TENM3: variants seen among roughly 807,000 people sequenced by gnomAD.
TENM3 encodes the protein teneurin-3.
In TENM3, 63 loss-of-function variants were observed where a neutral mutation model predicts 255.1. The ratio of observed to expected loss-of-function variants is 0.25; its 90% CI spans 0.20 to 0.30. The LOEUF is 0.30. Among genes scored for constraint, TENM3 ranks in the 10% least tolerant of loss-of-function variants. TENM3 has a pLI of 1.00. For missense variants in TENM3, 2,929 were observed against 3,461.1 expected, an observed-to-expected ratio of 0.85 and a Z score of 3.86; for synonymous variants, 1,306 against 1,322.3, an observed-to-expected ratio of 0.99 and a Z score of 0.27.
the TENM3 span, among the ~76,000 whole-genome samples, chr4:181,461,478 C>T: frequency 2.1e-3 from 323 of 152,184 alleles, 1 homozygote; most frequent in African/African-American, 7.5e-3. Flanking sequence ...TATTCTGCCC[C>T]TACTTACTGG....
At chr4:182,143,742 T>G (rs1004893710), upstream of TENM3, 8 of 153,222 alleles carry the variant, frequency 5.2e-5, no homozygotes, top group African/African-American at 1.9e-4. The surrounding 1 kb of genome is among the most constrained non-coding windows in gnomAD (Gnocchi z 4.3). Context: ...AATGGCGCAG[T>G]AAGTTCATTA....
intron 3 of TENM3, among the ~76,000 whole-genome samples, chr4:182,500,799 C>T (rs1049942477): frequency 3.9e-5 from 6 of 151,966 alleles, no homozygotes; most frequent in African/African-American, 1.2e-4. Flanking sequence ...ATAAAGTACA[C>T]GGTTTCACAT....
the TENM3 span, among the ~76,000 whole-genome samples, chr4:181,450,558 C>T: frequency 1.3e-5 from 2 of 152,232 alleles, no homozygotes; most frequent in Admixed American, 6.5e-5. Context: ...TGTGGCCATT[C>T]GGTATCATTT....
chr4:182,380,712 G>C (rs1007818535), intron 3 of TENM3, among the ~76,000 whole-genome samples: 6 of 152,164 alleles, frequency 3.9e-5, no homozygotes, highest in Non-Finnish European at 8.8e-5. Context: ...CCAACTGTGA[G>C]AATGTATGCT....
At chr4:181,927,134 G>A in the TENM3 span, among the ~76,000 whole-genome samples, 1 of 152,160 alleles carries the variant, frequency 6.6e-6, no homozygotes, top group Non-Finnish European at 1.5e-5. Flanking sequence ...TCATACCCCA[G>A]TGGCACCTGG....
the TENM3 span, among the ~76,000 whole-genome samples, chr4:181,860,159 G>A: frequency 6.8e-4 from 104 of 152,298 alleles, no homozygotes; most frequent in African/African-American, 2.4e-3. Context: ...CACTCTATAA[G>A]CAAAAGGTGA....
chr4:181,740,825 G>A, the TENM3 span, among the ~76,000 whole-genome samples: 1 of 152,114 alleles, frequency 6.6e-6, no homozygotes, highest in African/African-American at 2.4e-5. Context: ...GGGAGAACAT[G>A]TTGCTTCCAC....
intron 4 of TENM3, among the ~76,000 whole-genome samples, chr4:182,620,182 G>A (rs1749971750): frequency 6.6e-6 from 1 of 152,210 alleles, no homozygotes; most frequent in South Asian, 2.1e-4. Context: ...GTGCTTTATA[G>A]AGAATTAGGT....
chr4:181,630,094 A>G, the TENM3 span, among the ~76,000 whole-genome samples: 1 of 152,044 alleles, frequency 6.6e-6, no homozygotes, highest in African/African-American at 2.4e-5. Flanking sequence ...GAATTTATCC[A>G]TTTCTTCTGG....
At chr4:182,048,363 G>A in the TENM3 span, among the ~76,000 whole-genome samples, 39 of 151,714 alleles carry the variant, frequency 2.6e-4, no homozygotes, top group East Asian at 1.4e-3. Flanking sequence ...TTCTTTTCTC[G>A]TTTTCCTAAG....
chr4:182,613,935 A>T (rs1247496970), intron 4 of TENM3, among the ~76,000 whole-genome samples: 1 of 152,178 alleles, frequency 6.6e-6, no homozygotes, highest in Non-Finnish European at 1.5e-5. Flanking sequence ...TCTTGCAGGA[A>T]TCACCTCCTA....
the TENM3 span, among the ~76,000 whole-genome samples, chr4:182,065,862 C>G: frequency 1.3e-5 from 2 of 152,278 alleles, no homozygotes; most frequent in East Asian, 3.9e-4. Flanking sequence ...TTCTCACCAG[C>G]GAATTCCCTC....
the TENM3 span, among the ~76,000 whole-genome samples, chr4:182,096,128 T>C: frequency 1.7e-5 from 1 of 58,216 alleles, no homozygotes; most frequent in East Asian, 4.5e-4. Context: ...AGACCCTGTC[T>C]CAAAAAAAAA....
At chr4:181,958,828 C>T in the TENM3 span, among the ~76,000 whole-genome samples, 3 of 152,074 alleles carry the variant, frequency 2.0e-5, no homozygotes, top group African/African-American at 7.2e-5. Context: ...ATACATACTA[C>T]GACACAGTGA....
the TENM3 span, among the ~76,000 whole-genome samples, chr4:181,827,125 C>T: frequency 6.6e-6 from 1 of 152,124 alleles, no homozygotes; most frequent in Non-Finnish European, 1.5e-5. Context: ...CAAACAAGGT[C>T]ATGTACAGGA....
the TENM3 span, among the ~76,000 whole-genome samples, chr4:181,752,747 G>T: frequency 4.6e-5 from 7 of 151,490 alleles, no homozygotes; most frequent in Non-Finnish European, 8.8e-5. Context: ...AGTCAAGTCA[G>T]CAGTTGGTAG....
intron 4 of TENM3, among the ~76,000 whole-genome samples, chr4:182,616,548 G>A (rs1335301389): frequency 2.4e-5 from 3 of 126,354 alleles, no homozygotes; most frequent in African/African-American, 9.1e-5. Flanking sequence ...AAGGTCAGGA[G>A]ATCAAGACCA....
chr4:182,529,991 G>A (rs1739610902), intron 3 of TENM3, among the ~76,000 whole-genome samples: 1 of 152,170 alleles, frequency 6.6e-6, no homozygotes, highest in South Asian at 2.1e-4. Flanking sequence ...TGTAAGCGAG[G>A]TATCTTGATA....
At chr4:182,658,560 GGT>G (rs1319681762) in intron 6 of TENM3, among the ~76,000 whole-genome samples, 1 of 152,126 alleles carries the variant, frequency 6.6e-6, no homozygotes, top group Non-Finnish European at 1.5e-5. Context: ...TTTCCACTTG[GGT>G]GTTTTCCATG....
Sources: gnomAD v4.1 joint callset for allele counts (sites outside exome capture counted in the v4.1 genomes callset) on GRCh38, gnomAD v4.1.1 for gene constraint, Gnocchi (gnomAD v3.1) non-coding constraint, MANE v1.5 for transcripts, NCBI Gene and HGNC (gene_info 2026-07-23, HGNC 2026-07-21) for gene names.